Variants in KCNQ5 observed in about 807,000 individuals in gnomAD.
KCNQ5 encodes the protein potassium voltage-gated channel subfamily KQT member 5.
In KCNQ5, 30 loss-of-function variants were observed where a neutral mutation model predicts 98.2. The ratio of observed to expected loss-of-function variants is 0.31; its 90% CI spans 0.23 to 0.41. The LOEUF (loss-of-function observed/expected upper bound fraction) is 0.41. Among genes scored for constraint, KCNQ5 ranks in the 10% least tolerant of loss-of-function variants. The pLI is 1.00. For synonymous variants in KCNQ5, 458 were observed against 449.4 expected, an observed-to-expected ratio of 1.02 and a Z score of -0.24; for missense variants, 835 against 1,182.5, an observed-to-expected ratio of 0.71 and a Z score of 4.31.
rs191837907 is a variant in KCNQ5, at chr6:72,726,362, C to G, written c.398+103775C>G. On this transcript the variant is annotated intron_variant, in intron 1 of 13. Transcript: ENST00000370398. ...AGTAGCTGGGACTACAGGTGCCCACCACCATGCCCGGCTAATTCCCTGTAT... is the reference window on the plus strand; with the variant it reads ...AGTAGCTGGGACTACAGGTGCCCACGACCATGCCCGGCTAATTCCCTGTAT... Among the ~76,000 whole-genome samples, 25 of 152,096 alleles carry G rather than the reference C, an allele frequency of 1.6e-4. No individual in the cohort carries two copies. In the East Asian group the frequency reaches 4.5e-3, roughly 27 times the overall value.
At chr6:72,642,719 A>C (rs1765387143) in intron 1 of KCNQ5, among the ~76,000 whole-genome samples, 1 of 152,162 alleles carries the variant, frequency 6.6e-6, no homozygotes, top group Non-Finnish European at 1.5e-5. Context: ...AAAGAACTAA[A>C]CATAGAGCTG....
intron 7 of KCNQ5, among the ~76,000 whole-genome samples, chr6:73,120,083 CA>C (rs66484208): frequency 4.5e-4 from 62 of 138,000 alleles, no homozygotes; most frequent in African/African-American, 1.3e-3. Flanking sequence ...ACTAAAAGTA[CA>C]AAAAAAAAAA....
At chr6:72,908,512 T>C (rs546300296) in intron 1 of KCNQ5, among the ~76,000 whole-genome samples, 24 of 152,158 alleles carry the variant, frequency 1.6e-4, no homozygotes, top group Non-Finnish European at 3.4e-4. Flanking sequence ...TTGATCTTTA[T>C]TTTCCCCAGA....
intron 9 of KCNQ5, among the ~76,000 whole-genome samples, chr6:73,129,032 C>A (rs1416661249): frequency 6.6e-6 from 1 of 152,100 alleles, no homozygotes; most frequent in Non-Finnish European, 1.5e-5. Flanking sequence ...TTTCAATTTT[C>A]TTTCTTCTGT....
chr6:73,041,842 C>A lies in KCNQ5; in HGVS notation c.490-94C>A, dbSNP rs900542818. On this transcript the variant is annotated intron_variant, in intron 2 of 13. Transcript: ENST00000370398. The stretch of plus-strand genomic sequence containing the variant: ...GATATTAACAACTAGATCCTTTAGA[C>A]AAAGTGCCTAAATGTCCAAAAATAT... The A allele has an allele frequency of 2.9e-6, 4 of 1,391,076 alleles. No individual in the cohort carries two copies. In the African/African-American group the frequency reaches 4.3e-5, roughly 15 times the overall value. The allele number at this position is 1,391,076 out of a possible 1,614,324, so 86.2% of individuals were successfully genotyped here.
At chr6:72,923,908 C>A (rs1405883559) in intron 1 of KCNQ5, among the ~76,000 whole-genome samples, 1 of 152,080 alleles carries the variant, frequency 6.6e-6, no homozygotes, top group Non-Finnish European at 1.5e-5. Context: ...TAAAAGAGAA[C>A]CATAAACAGT....
chr6:73,159,003 A>G (rs1026617202), intron 10 of KCNQ5, among the ~76,000 whole-genome samples: 1 of 152,226 alleles, frequency 6.6e-6, no homozygotes, highest in African/African-American at 2.4e-5. Context: ...ATTAAGCTAC[A>G]TTTCTATTCT....
chr6:72,748,877 A>T (rs1236373211), intron 1 of KCNQ5, among the ~76,000 whole-genome samples: 1 of 152,110 alleles, frequency 6.6e-6, no homozygotes, highest in Admixed American at 6.6e-5. Flanking sequence ...GAGAAAACAA[A>T]TGTTTTTCCT....
At chr6:72,808,324 A>G (rs959984907) in intron 1 of KCNQ5, among the ~76,000 whole-genome samples, 1 of 152,196 alleles carries the variant, frequency 6.6e-6, no homozygotes, top group Non-Finnish European at 1.5e-5. Context: ...GAGAGATGCA[A>G]TATGAAGAAA....
intron 1 of KCNQ5, among the ~76,000 whole-genome samples, chr6:72,860,741 C>T (rs1175140297): frequency 6.6e-6 from 1 of 152,064 alleles, no homozygotes; most frequent in Non-Finnish European, 1.5e-5. Flanking sequence ...TACTGTATTT[C>T]ATACACTTTG....
At chr6:72,771,652 C>CTGTG (rs150518788) in intron 1 of KCNQ5, among the ~76,000 whole-genome samples, 13,665 of 147,702 alleles carry the variant, frequency 0.093, 761 homozygotes, top group African/African-American at 0.15. Context: ...AACCATTTCA[C>CTGTG]TGTGTGTGTG....
intron 3 of KCNQ5, chr6:73,043,131 G>A (rs750147319): frequency 4.4e-6 from 2 of 451,164 alleles, no homozygotes; most frequent in South Asian, 3.3e-5. Flanking sequence ...TATGGTGGGG[G>A]CAGAGTGGAT....
At position 73,141,172 on chromosome 6, in the gene KCNQ5, G is replaced by A. The variant is rs551117955; in HGVS notation, c.1468+7531G>A. 3.3e-5 allele frequency among the ~76,000 whole-genome samples: 5 copies of A among 152,320 alleles called. No homozygotes were observed. The East Asian group carries it at 7.7e-4, about 23-fold the overall frequency. On this transcript the variant is annotated intron_variant, in intron 10 of 13. Transcript: ENST00000370398. ...ATGGTGCTGGAAGATTCTGTGTCTGGAGAGGGCCCACTTCCACGTGATGGA... is the reference window on the plus strand; with the variant it reads ...ATGGTGCTGGAAGATTCTGTGTCTGAAGAGGGCCCACTTCCACGTGATGGA...
intron 1 of KCNQ5, among the ~76,000 whole-genome samples, chr6:72,692,048 C>A (rs1412230650): frequency 2.0e-5 from 3 of 152,220 alleles, no homozygotes; most frequent in African/African-American, 7.2e-5. Context: ...TTCATAATTT[C>A]TTCGACCAAA....
At chr6:72,829,567 G>T (rs143530384) in intron 1 of KCNQ5, among the ~76,000 whole-genome samples, 182 of 152,122 alleles carry the variant, frequency 1.2e-3, no homozygotes, top group Non-Finnish European at 2.2e-3. Flanking sequence ...TATGTGCAAG[G>T]CACAGTGCGA....
chr6:72,747,966 A>C (rs754991986), intron 1 of KCNQ5, among the ~76,000 whole-genome samples: 1 of 152,178 alleles, frequency 6.6e-6, no homozygotes, highest in Non-Finnish European at 1.5e-5. Context: ...TTCATTTCAC[A>C]TCATTTCCTT....
chr6:73,169,742 G>C lies in KCNQ5; in HGVS notation c.1469-4G>C. On this transcript the variant is annotated splice_region_variant and splice_polypyrimidine_tract_variant and intron_variant, in intron 10 of 13. Transcript: ENST00000370398. ...GTTATTTAACTGGCAATATTCTCTT[G>C]CAGCTGACACAGCCCTTGGCACTGA... The C allele has an allele frequency of 6.2e-7, 1 of 1,604,430 alleles. No homozygotes were observed. The highest frequency in any genetic ancestry group is 8.5e-7 in the Non-Finnish European group (1 of 1,171,536).
intron 1 of KCNQ5, among the ~76,000 whole-genome samples, chr6:72,947,751 T>C (rs1191399983): frequency 1.3e-5 from 2 of 152,166 alleles, no homozygotes; most frequent in Non-Finnish European, 2.9e-5. Flanking sequence ...AGAATGGCCA[T>C]GTTTATTCTG....
intron 1 of KCNQ5, among the ~76,000 whole-genome samples, chr6:72,702,105 T>C (rs1175683167): frequency 6.6e-6 from 1 of 152,216 alleles, no homozygotes; most frequent in Non-Finnish European, 1.5e-5. Context: ...TTACATTCTT[T>C]CCACAGCACA....
Sources: allele counts gnomAD v4.1 joint callset (sites outside exome capture counted in the v4.1 genomes callset), GRCh38; gene constraint gnomAD v4.1.1; transcripts MANE v1.5; gene names NCBI Gene and HGNC (gene_info 2026-07-23, HGNC 2026-07-21).